Variants in PLD5 observed in about 807,000 individuals in gnomAD.
PLD5 encodes phospholipase D family member 5.
Under a neutral mutation model 61.1 loss-of-function variants are expected in PLD5, and 36 were observed. The ratio of observed to expected loss-of-function variants is 0.59; its 90% confidence interval spans 0.45 to 0.78. The LOEUF (loss-of-function observed/expected upper bound fraction) is 0.78, where lower values mean the gene tolerates loss of function less well. Among genes scored for constraint, PLD5 ranks in the 30% least tolerant of loss-of-function variants. PLD5 has a pLI of 0.00. For synonymous variants in PLD5, 243 were observed against 242.8 expected (o/e 1.00, Z -0.01); for missense variants, 515 against 644.4 (o/e 0.80, Z 2.17).
At chr1:242,467,243 AAATT>A (rs1297088712) in intron 1 of PLD5, among the ~76,000 whole-genome samples, 2 of 152,134 alleles carry the variant, frequency 1.3e-5, no homozygotes, top group East Asian at 1.9e-4. Flanking sequence ...TTTAATAAAT[AAATT>A]ATTTTTACTA....
chr1:242,392,337 C>T lies in PLD5; in HGVS notation c.190-44095G>A, dbSNP rs531602675. Among the ~76,000 whole-genome samples the T allele has an allele frequency of 1.3e-4, 20 of 152,192 alleles. No homozygotes were observed. In the South Asian group the frequency reaches 4.1e-3, roughly 32 times the overall value. On this transcript the variant is annotated intron_variant, in intron 1 of 9. Coordinates refer to ENST00000536534, the MANE Select transcript of PLD5 (RefSeq NM_001372062.1). ...TCACTACCTGGGGGATGGGATCATTCATACCATAAACCTCAGTGTTACTCT... is the reference window on the plus strand; with the variant it reads ...TCACTACCTGGGGGATGGGATCATTTATACCATAAACCTCAGTGTTACTCT...
intron 1 of PLD5, among the ~76,000 whole-genome samples, chr1:242,458,721 T>C (rs1667019130): frequency 6.6e-6 from 1 of 152,122 alleles, no homozygotes; most frequent in Non-Finnish European, 1.5e-5. Flanking sequence ...AAAACTAACA[T>C]AATTACCTGT....
At chr1:242,165,337 G>A (rs1414730069) in intron 5 of PLD5, among the ~76,000 whole-genome samples, 1 of 151,112 alleles carries the variant, frequency 6.6e-6, no homozygotes, top group Non-Finnish European at 1.5e-5. Context: ...TTATTTATGG[G>A]AAATTTAAAA....
At chr1:242,111,057 ATT>A (rs112040049) in intron 7 of PLD5, among the ~76,000 whole-genome samples, 7 of 145,366 alleles carry the variant, frequency 4.8e-5, no homozygotes, top group Non-Finnish European at 4.5e-5. Flanking sequence ...GGGCTTCTGA[ATT>A]TTTTTTTTTT....
intron 3 of PLD5, among the ~76,000 whole-genome samples, chr1:242,266,248 G>C (rs1673663323): frequency 6.6e-6 from 1 of 152,120 alleles, no homozygotes; most frequent in Non-Finnish European, 1.5e-5. Context: ...GGGCATGGTG[G>C]TGCGCACTTT....
intron 1 of PLD5, among the ~76,000 whole-genome samples, chr1:242,508,677 C>T (rs561311973): frequency 1.3e-5 from 2 of 152,250 alleles, no homozygotes; most frequent in Non-Finnish European, 2.9e-5. Flanking sequence ...TCCTTCATCT[C>T]GATACCAATC....
intron 1 of PLD5, among the ~76,000 whole-genome samples, chr1:242,516,279 T>TATATAC (rs1258703287): frequency 1.5e-5 from 1 of 64,562 alleles, no homozygotes; most frequent in Admixed American, 1.8e-4. Context: ...TATATATATA[T>TATATAC]ACATATTCTT....
At chr1:242,161,328 C>T (rs1198505355) in intron 5 of PLD5, among the ~76,000 whole-genome samples, 1 of 152,050 alleles carries the variant, frequency 6.6e-6, no homozygotes, top group Admixed American at 6.5e-5. Flanking sequence ...TCTCGTGAGA[C>T]TTATTCACTA....
chr1:242,233,899 G>A (rs765554481), intron 4 of PLD5, among the ~76,000 whole-genome samples: 9 of 152,090 alleles, frequency 5.9e-5, no homozygotes, highest in East Asian at 1.9e-4. Context: ...GTACTGGGGC[G>A]GAAAAGGAGC....
Position 242,429,239 on chromosome 1 carries a change from T to C in PLD5, c.190-80997A>G, listed in dbSNP as rs74555997. 3.2e-3 allele frequency among the ~76,000 whole-genome samples: 486 copies of C among 152,348 alleles called. 2 individuals are homozygous for C. The highest frequency in any genetic ancestry group is 0.011 in the African/African-American group (465 of 41,582). On this transcript the variant is annotated intron_variant, in intron 1 of 9. Transcript: ENST00000536534. ...TGGATGTTGGTCCAACTTTAACATC[T>C]GCCAAAGAGCAATTTAACTTCAGTT... is the stretch of plus-strand genomic sequence containing the variant.
intron 8 of PLD5, among the ~76,000 whole-genome samples, chr1:242,106,166 G>C (rs1428581743): frequency 6.6e-6 from 1 of 152,162 alleles, no homozygotes; most frequent in Admixed American, 6.5e-5. Context: ...AGTTTTCCTT[G>C]TGCGTATCCT....
At chr1:242,151,217 T>C (rs967702718) in intron 5 of PLD5, among the ~76,000 whole-genome samples, 3 of 151,960 alleles carry the variant, frequency 2.0e-5, no homozygotes, top group Non-Finnish European at 4.4e-5. Context: ...AATAAAAATA[T>C]TTACTTTCAT....
intron 4 of PLD5, among the ~76,000 whole-genome samples, chr1:242,264,833 G>A (rs1387948796): frequency 6.6e-6 from 1 of 152,212 alleles, no homozygotes; most frequent in Non-Finnish European, 1.5e-5. Context: ...GTCTTCATGA[G>A]ATTGTGAGAA....
intron 1 of PLD5, among the ~76,000 whole-genome samples, chr1:242,412,213 GGTTA>G (rs1664594595): frequency 6.6e-6 from 1 of 152,188 alleles, no homozygotes; most frequent in South Asian, 2.1e-4. Context: ...GCCTTGTGGT[GGTTA>G]GTAAGGGAGG....
At chr1:242,514,481 A>AT (rs1669036349) in intron 1 of PLD5, among the ~76,000 whole-genome samples, 1 of 152,196 alleles carries the variant, frequency 6.6e-6, no homozygotes, top group Non-Finnish European at 1.5e-5. Flanking sequence ...AAAGATAACT[A>AT]CTGGGTACTG....
intron 1 of PLD5, among the ~76,000 whole-genome samples, chr1:242,380,413 T>C (rs1180575387): frequency 6.6e-6 from 1 of 152,188 alleles, no homozygotes; most frequent in African/African-American, 2.4e-5. Flanking sequence ...CAGTCTTCCC[T>C]CTAAGGATTC....
chr1:242,176,896 T>C (rs143532121), intron 5 of PLD5, among the ~76,000 whole-genome samples: 2,380 of 152,196 alleles, frequency 0.016, 30 homozygotes, highest in South Asian at 0.026. Context: ...TACCAGTTAG[T>C]ATGGGGATAA....
chr1:242,309,873 T>TA (rs56023304), intron 2 of PLD5, among the ~76,000 whole-genome samples: 1 of 147,684 alleles, frequency 6.8e-6, no homozygotes, highest in Non-Finnish European at 1.5e-5. Context: ...TGAGTTTTTT[T>TA]ATTCTTAGAG....
intron 4 of PLD5, among the ~76,000 whole-genome samples, chr1:242,251,926 A>G (rs1672726680): frequency 6.6e-6 from 1 of 152,214 alleles, no homozygotes; most frequent in African/African-American, 2.4e-5. Context: ...GTACTGGGAT[A>G]GAGCACTGTG....
Sources: allele counts gnomAD v4.1 joint callset (sites outside exome capture counted in the v4.1 genomes callset), GRCh38; gene constraint gnomAD v4.1.1; transcripts MANE v1.5; gene names NCBI Gene and HGNC (gene_info 2026-07-23, HGNC 2026-07-21).